The following PAPPA2 variants were observed in gnomAD, a reference collection of about 807,000 sequenced individuals.
PAPPA2 encodes pappalysin-2.
In PAPPA2, 86 loss-of-function variants were observed where a neutral mutation model predicts 176.4. That is an observed-to-expected ratio of 0.49 (90% CI 0.41 to 0.58). The LOEUF (loss-of-function observed/expected upper bound fraction) is 0.58, where lower values mean the gene tolerates loss of function less well. Among genes scored for constraint, PAPPA2 ranks in the 20% least tolerant of loss-of-function variants. PAPPA2 has a pLI of 0.00. For missense variants in PAPPA2, 2,073 were observed against 2,256.9 expected (o/e 0.92, Z 1.65); for synonymous variants, 809 against 852.2 (o/e 0.95, Z 0.88).
chr1:176,548,205 G>A (rs1177803448), intron 1 of PAPPA2, among the ~76,000 whole-genome samples: 4 of 152,160 alleles, frequency 2.6e-5, no homozygotes, highest in Non-Finnish European at 5.9e-5. Flanking sequence ...TATCTTGTAT[G>A]ATTCCTCCTA....
At chr1:176,563,204 T>C (rs1207885738) in intron 2 of PAPPA2, among the ~76,000 whole-genome samples, 2 of 152,184 alleles carry the variant, frequency 1.3e-5, no homozygotes, top group African/African-American at 2.4e-5. Context: ...GAGGGAACTT[T>C]CTGAAACTGG....
chr1:176,687,490 C>A (rs1028050985), intron 4 of PAPPA2, among the ~76,000 whole-genome samples: 1 of 152,080 alleles, frequency 6.6e-6, no homozygotes, highest in Admixed American at 6.6e-5. Flanking sequence ...GATGAGAAGC[C>A]CAATATTATG....
intron 3 of PAPPA2, among the ~76,000 whole-genome samples, chr1:176,629,386 T>A (rs1656217845): frequency 1.3e-5 from 2 of 152,190 alleles, no homozygotes; most frequent in Admixed American, 6.5e-5. Context: ...ATGAGGTCTG[T>A]GGAAGTCCAA....
intron 1 of PAPPA2, among the ~76,000 whole-genome samples, chr1:176,541,032 A>C (rs1178692289): frequency 2.0e-5 from 3 of 152,216 alleles, no homozygotes; most frequent in Non-Finnish European, 4.4e-5. Flanking sequence ...AATCTTGGAC[A>C]CTGTTCTCTA....
chr1:176,791,574 GACGGAGT>G, intron 19 of PAPPA2, 92 bp downstream of exon 19: 1 of 1,437,482 alleles, frequency 7.0e-7, no homozygotes, highest in Non-Finnish European at 9.5e-7. Context: ...ATTTTTGTCA[GACGGAGT>G]CTTGCTCTGT....
chr1:176,465,494 A>G (rs891735001), intron 1 of PAPPA2, among the ~76,000 whole-genome samples: 1 of 152,156 alleles, frequency 6.6e-6, no homozygotes, highest in African/African-American at 2.4e-5. Context: ...TCCTATATTT[A>G]TTGGGCACAT....
At chr1:176,478,080 G>A (rs568537346) in intron 1 of PAPPA2, among the ~76,000 whole-genome samples, 89 of 152,266 alleles carry the variant, frequency 5.8e-4, no homozygotes, top group African/African-American at 1.2e-3. Flanking sequence ...ATCACCTTGC[G>A]TAGGAACTAT....
At chr1:176,796,736 TCTTTCTCC>T (rs1467701771) in intron 20 of PAPPA2, among the ~76,000 whole-genome samples, 2 of 151,156 alleles carry the variant, frequency 1.3e-5, no homozygotes, top group Non-Finnish European at 3.0e-5. Context: ...TTTCTTTCTC[TCTTTCTCC>T]CTCTCTCTTT....
At chr1:176,545,414 A>AT (rs1378099305) in intron 1 of PAPPA2, among the ~76,000 whole-genome samples, 3 of 143,360 alleles carry the variant, frequency 2.1e-5, no homozygotes, top group African/African-American at 8.1e-5. Flanking sequence ...CAACCTCAGA[A>AT]AAAATAAATA....
chr1:176,719,838 G>A (rs566902524), intron 12 of PAPPA2, among the ~76,000 whole-genome samples: 15 of 152,274 alleles, frequency 9.9e-5, no homozygotes, highest in African/African-American at 3.4e-4. Flanking sequence ...TCTGTAAAGT[G>A]TCATTTATCA....
At chr1:176,817,727 TAA>T (rs60368860) in intron 21 of PAPPA2, among the ~76,000 whole-genome samples, 77 of 144,086 alleles carry the variant, frequency 5.3e-4, no homozygotes, top group African/African-American at 6.8e-4. Flanking sequence ...TAACCTCTGT[TAA>T]AAAAAAAAAA....
chr1:176,667,920 A>G (rs1203102908), intron 3 of PAPPA2, among the ~76,000 whole-genome samples: 1 of 152,154 alleles, frequency 6.6e-6, no homozygotes, highest in Non-Finnish European at 1.5e-5. Flanking sequence ...ACCAAGCAGT[A>G]GTTGAAGTTT....
At chr1:176,741,969 T>G (rs556617049) in intron 14 of PAPPA2, among the ~76,000 whole-genome samples, 17 of 152,340 alleles carry the variant, frequency 1.1e-4, no homozygotes, top group Non-Finnish European at 2.2e-4. Flanking sequence ...ACATAGTTCC[T>G]ACTCTGGTGA....
chr1:176,551,339 C>T (rs1010124418), intron 1 of PAPPA2, among the ~76,000 whole-genome samples: 3 of 152,178 alleles, frequency 2.0e-5, no homozygotes, highest in Admixed American at 1.3e-4. Flanking sequence ...ACAGATCTGG[C>T]TTCTATATAT....
chr1:176,784,431 G>T (rs1320656350), intron 17 of PAPPA2, among the ~76,000 whole-genome samples: 1 of 152,140 alleles, frequency 6.6e-6, no homozygotes, highest in African/African-American at 2.4e-5. Flanking sequence ...TCCATCCATT[G>T]CTGTGTCTCA....
At chr1:176,534,670 T>A (rs145095138) in intron 1 of PAPPA2, among the ~76,000 whole-genome samples, 47 of 152,302 alleles carry the variant, frequency 3.1e-4, no homozygotes, top group African/African-American at 1.1e-3. Context: ...ATGAGAGGTG[T>A]GTGCTTGAGA....
intron 1 of PAPPA2, among the ~76,000 whole-genome samples, chr1:176,545,908 C>T (rs2102573214): frequency 6.6e-6 from 1 of 152,290 alleles, no homozygotes; most frequent in African/African-American, 2.4e-5. Context: ...TTAATGCACA[C>T]ATGGGTCTCC....
At chr1:176,780,600 C>T (rs1014279171) in intron 17 of PAPPA2, among the ~76,000 whole-genome samples, 4 of 152,200 alleles carry the variant, frequency 2.6e-5, no homozygotes, top group African/African-American at 7.2e-5. Context: ...TGAACCCACT[C>T]AAAGGCTTCC....
At chr1:176,648,192 T>C (rs1010433513) in intron 3 of PAPPA2, among the ~76,000 whole-genome samples, 8 of 151,574 alleles carry the variant, frequency 5.3e-5, no homozygotes, top group Non-Finnish European at 1.0e-4. Context: ...ATATTCTTAG[T>C]AACTACAGTA....
Sources: allele counts gnomAD v4.1 joint callset (sites outside exome capture counted in the v4.1 genomes callset), GRCh38; gene constraint gnomAD v4.1.1; transcripts MANE v1.5; gene names NCBI Gene and HGNC (gene_info 2026-07-23, HGNC 2026-07-21).